PPP2R2B: variants seen among roughly 807,000 people sequenced by gnomAD.
PPP2R2B encodes serine/threonine-protein phosphatase 2A 55 kDa regulatory subunit B beta isoform.
Under a neutral mutation model 46.0 loss-of-function variants are expected in PPP2R2B, and 5 were observed. The observed-to-expected ratio is 0.11, with a 90% CI of 0.06 to 0.23. The LOEUF (loss-of-function observed/expected upper bound fraction) is 0.23, where lower values mean the gene tolerates loss of function less well. Among genes scored for constraint, PPP2R2B ranks in the 10% least tolerant of loss-of-function variants. The pLI is 1.00. For synonymous variants in PPP2R2B, 215 were observed against 206.7 expected, an observed-to-expected ratio of 1.04 and a Z score of -0.34; for missense variants, 367 against 575.0, an observed-to-expected ratio of 0.64 and a Z score of 3.70.
intron 2 of PPP2R2B, among the ~76,000 whole-genome samples, chr5:146,852,021 G>T (rs541258587): frequency 3.3e-4 from 50 of 152,196 alleles, no homozygotes; most frequent in African/African-American, 1.2e-3. Flanking sequence ...AAATGGTGAT[G>T]CTTTGAGAAA....
chr5:146,625,622 G>C (rs987165077), intron 7 of PPP2R2B, among the ~76,000 whole-genome samples: 2 of 152,054 alleles, frequency 1.3e-5, no homozygotes, highest in Admixed American at 1.3e-4. Flanking sequence ...AATCCTATTT[G>C]GGGGTCCAGG....
intron 2 of PPP2R2B, among the ~76,000 whole-genome samples, chr5:146,709,845 T>G (rs570344976): frequency 6.6e-6 from 1 of 152,324 alleles, no homozygotes; most frequent in African/African-American, 2.4e-5. Context: ...TAAGCTACTG[T>G]TAGTAAGTTT....
intron 2 of PPP2R2B, among the ~76,000 whole-genome samples, chr5:146,712,877 A>G (rs913344553): frequency 1.3e-5 from 2 of 152,186 alleles, no homozygotes; most frequent in African/African-American, 4.8e-5. Flanking sequence ...TCATTCATTG[A>G]CCCATTTATT....
At chr5:146,902,066 G>C (rs928707376) in intron 1 of PPP2R2B, among the ~76,000 whole-genome samples, 1 of 152,174 alleles carries the variant, frequency 6.6e-6, no homozygotes, top group African/African-American at 2.4e-5. Flanking sequence ...ATGAACTGAT[G>C]TATGGTTGCA....
chr5:146,698,317 AATATATATATATATAT>A lies in PPP2R2B; in HGVS notation c.169-189_169-174del, dbSNP rs35533710. 1.4e-4 allele frequency among the ~76,000 whole-genome samples: 12 copies of A among 85,648 alleles called. No individual in the cohort carries two copies. In the East Asian group the frequency reaches 2.0e-3, roughly 14 times the overall value. The allele number at this position is 85,648 out of a possible 152,430, so 56.2% of individuals were successfully genotyped here. On this transcript the variant is annotated intron_variant, in intron 3 of 9. Transcript: ENST00000394411. Reference sequence around the variant, plus strand: ...ACCTCTGAAAAAAAAAAAAAAAAAAAATATATATATATATATATATATATATATATATATACACACA... The same window carrying A: ...ACCTCTGAAAAAAAAAAAAAAAAAAAATATATATATATATATATACACACA...
chr5:146,589,773 A>G lies in PPP2R2B; in HGVS notation c.*174T>C. On this transcript the variant is annotated 3_prime_UTR_variant, in exon 10 of 10. Coordinates refer to ENST00000394411, the MANE Select transcript of PPP2R2B (RefSeq NM_181675.4). ...TGTCCCAAACCTATTGGGTTTGACA[A>G]AAGTTTCTTAGAACTGGGGAGCTGG... is the stretch of plus-strand genomic sequence containing the variant. 1 of 701,660 alleles carries G rather than the reference A, an allele frequency of 1.4e-6. No homozygotes were observed. The highest frequency in any genetic ancestry group is 2.7e-5 in the East Asian group (1 of 36,974). The allele number at this position is 701,660 out of a possible 1,614,324, so 43.5% of individuals were successfully genotyped here.
chr5:146,663,935 C>T (rs953563711), intron 5 of PPP2R2B, among the ~76,000 whole-genome samples: 4 of 152,046 alleles, frequency 2.6e-5, no homozygotes, highest in East Asian at 1.9e-4. Flanking sequence ...CTCTGCCTCC[C>T]GGGTTTAAGC....
chr5:146,990,466 C>T (rs10077240), intron 1 of PPP2R2B, among the ~76,000 whole-genome samples: 122,320 of 152,036 alleles, frequency 0.8, 49,607 homozygotes, highest in African/African-American at 0.88. Context: ...AGAATGCACA[C>T]TGAGAAAAAA....
upstream of PPP2R2B, among the ~76,000 whole-genome samples, chr5:146,880,879 C>T (rs1485440741): frequency 6.6e-6 from 1 of 152,164 alleles, no homozygotes; most frequent in Non-Finnish European, 1.5e-5. Context: ...GGATAGGTCT[C>T]CATTGTTTAA....
At chr5:146,967,585 CCTAGGGGACTATAT>C (rs1752481832) in intron 1 of PPP2R2B, among the ~76,000 whole-genome samples, 1 of 152,122 alleles carries the variant, frequency 6.6e-6, no homozygotes. Flanking sequence ...CAGTGGCCAT[CCTAGGGGACTATAT>C]CCAGGACATT....
At chr5:146,673,324 T>C (rs1777493106) in intron 5 of PPP2R2B, among the ~76,000 whole-genome samples, 1 of 152,154 alleles carries the variant, frequency 6.6e-6, no homozygotes, top group South Asian at 2.1e-4. Context: ...AAATGTCTAA[T>C]GTTGTATCTT....
At chr5:146,717,503 G>A (rs990644814) in intron 2 of PPP2R2B, among the ~76,000 whole-genome samples, 1 of 152,184 alleles carries the variant, frequency 6.6e-6, no homozygotes, top group Non-Finnish European at 1.5e-5. Context: ...AATAAAAAAT[G>A]ATATGTCAGT....
intron 1 of PPP2R2B, among the ~76,000 whole-genome samples, chr5:146,904,593 T>C (rs1762939480): frequency 6.6e-6 from 1 of 152,186 alleles, no homozygotes; most frequent in African/African-American, 2.4e-5. Context: ...CTAACCAATA[T>C]GGTGCTTGAG....
At position 146,927,512 on chromosome 5, in the gene PPP2R2B, T is replaced by A. The variant is rs73307081; in HGVS notation, c.79+128153A>T. On this transcript the variant is annotated intron_variant, in intron 1 of 8. Transcript: ENST00000336640. ...TTCAGTGAACTCTCTAAACACCGCT[T>A]GCCATCTATCCTTAGGCTTGTGGCC... 6.6e-3 allele frequency among the ~76,000 whole-genome samples: 1,008 copies of A among 152,328 alleles called. 11 individuals carry two copies. Among genetic ancestry groups the A allele is most frequent in the African/African-American group, 0.023 (951 of 41,580 alleles).
chr5:146,637,423 C>G (rs548858025), intron 7 of PPP2R2B, among the ~76,000 whole-genome samples: 2 of 152,270 alleles, frequency 1.3e-5, no homozygotes, highest in Non-Finnish European at 2.9e-5. Flanking sequence ...TTCCCCGAAA[C>G]AAAAATCTAT....
chr5:146,850,026 C>A (rs1760247151), intron 2 of PPP2R2B, among the ~76,000 whole-genome samples: 1 of 152,096 alleles, frequency 6.6e-6, no homozygotes, highest in African/African-American at 2.4e-5. Context: ...GGGAAAGGTG[C>A]TAAAGTGATG....
chr5:146,845,680 C>T (rs578261321), intron 2 of PPP2R2B, among the ~76,000 whole-genome samples: 26 of 152,262 alleles, frequency 1.7e-4, no homozygotes, highest in African/African-American at 6.0e-4. Flanking sequence ...CTCATGCTAA[C>T]ATAGTTGATG....
intron 2 of PPP2R2B, among the ~76,000 whole-genome samples, chr5:146,782,637 C>T (rs1755600339): frequency 6.6e-6 from 1 of 152,150 alleles, no homozygotes; most frequent in South Asian, 2.1e-4. Context: ...AAACCTAATA[C>T]CTCAGTACTC....
chr5:146,806,150 G>A (rs1325978349), intron 2 of PPP2R2B, among the ~76,000 whole-genome samples: 1 of 152,174 alleles, frequency 6.6e-6, no homozygotes, highest in Non-Finnish European at 1.5e-5. Context: ...GACAGTGTGT[G>A]TGATGCGCAC....
Sources: gnomAD v4.1 joint callset for allele counts (sites outside exome capture counted in the v4.1 genomes callset) on GRCh38, gnomAD v4.1.1 for gene constraint, MANE v1.5 for transcripts, NCBI Gene and HGNC (gene_info 2026-07-23, HGNC 2026-07-21) for gene names.